Variants in PDHX observed in about 807,000 individuals in gnomAD.
The protein encoded by PDHX is pyruvate dehydrogenase protein X component, mitochondrial.
PDHX carries 33 observed loss-of-function variants against 55.3 expected under a neutral mutation model. The ratio of observed to expected loss-of-function variants is 0.60; its 90% CI spans 0.45 to 0.80. The LOEUF is 0.80. PDHX is among the 30% of genes least tolerant of loss of function. The pLI, the probability that PDHX is intolerant of heterozygous loss-of-function variation, is 0.00. For synonymous variants in PDHX, 226 were observed against 219.4 expected (o/e 1.03, Z -0.27); for missense variants, 622 against 619.9 (o/e 1.00, Z -0.04).
At chr11:34,988,942 A>G (rs1314889625) in intron 9 of PDHX, among the ~76,000 whole-genome samples, 2 of 152,222 alleles carry the variant, frequency 1.3e-5, no homozygotes, top group Non-Finnish European at 2.9e-5. Context: ...TTTAAATTAA[A>G]CTTTATCATA....
rs544153762 is a variant in PDHX, at chr11:34,993,097, C to T, written c.1247+718C>T. 7.2e-5 allele frequency among the ~76,000 whole-genome samples: 11 copies of T among 152,260 alleles called. No homozygotes were observed. In the South Asian group the frequency reaches 2.3e-3, roughly 32 times the overall value. On this transcript the variant is annotated intron_variant, in intron 10 of 10. Transcript: ENST00000227868. ...TTAGTGATGTTGAGTACTTTTCACT[C>T]ATCAGCCGTTTGGGTATCTGGTAAT...
intron 1 of PDHX, among the ~76,000 whole-genome samples, chr11:34,925,294 A>G (rs1853992000): frequency 6.6e-6 from 1 of 152,212 alleles, no homozygotes; most frequent in Admixed American, 6.5e-5. Context: ...GAATGAGGGT[A>G]GGGTTGTTAC....
chr11:34,935,035 A>C (rs924818979), intron 2 of PDHX, among the ~76,000 whole-genome samples: 10 of 152,106 alleles, frequency 6.6e-5, no homozygotes, highest in Non-Finnish European at 8.8e-5. Flanking sequence ...GTTGAGGTTG[A>C]GAGGGTAGGG....
chr11:34,925,456 C>A (rs1853995895), intron 1 of PDHX, among the ~76,000 whole-genome samples: 1 of 152,106 alleles, frequency 6.6e-6, no homozygotes, highest in Non-Finnish European at 1.5e-5. Context: ...AAATTGTATG[C>A]TGTTATTCCT....
chr11:34,917,549 G>A (rs1474044602), intron 1 of PDHX, among the ~76,000 whole-genome samples: 1 of 152,136 alleles, frequency 6.6e-6, no homozygotes, highest in African/African-American at 2.4e-5. Flanking sequence ...GGAGGGAGGC[G>A]GGGATGGAGA....
At chr11:34,918,093 A>G (rs1221806900) in intron 1 of PDHX, among the ~76,000 whole-genome samples, 2 of 152,134 alleles carry the variant, frequency 1.3e-5, no homozygotes, top group East Asian at 1.9e-4. Context: ...TCCTTTTGAG[A>G]ATCTTTGAAA....
chr11:34,978,508 A>G (rs1489982194), intron 8 of PDHX, among the ~76,000 whole-genome samples: 1 of 152,114 alleles, frequency 6.6e-6, no homozygotes, highest in Non-Finnish European at 1.5e-5. Flanking sequence ...AGATGGTGAA[A>G]GTGCTGAGGA....
intron 8 of PDHX, among the ~76,000 whole-genome samples, chr11:34,983,421 G>A (rs1040847142): frequency 2.6e-5 from 4 of 152,130 alleles, no homozygotes; most frequent in African/African-American, 4.8e-5. Context: ...AAGTTCTGGC[G>A]AGGGCAATCA....
intron 6 of PDHX, 120 bp downstream of exon 6, chr11:34,966,934 C>T (rs992594326): frequency 1.2e-6 from 1 of 833,650 alleles, no homozygotes; most frequent in African/African-American, 1.7e-5. Context: ...TCACTGCAGC[C>T]TCTGCCTCCC....
Position 34,933,448 on chromosome 11 carries a change from G to A in PDHX, c.241+1964G>A, listed in dbSNP as rs1392084067. Among the ~76,000 whole-genome samples the A allele has an allele frequency of 3.3e-5, 5 of 152,164 alleles. No individual in the cohort carries two copies. In the South Asian group the frequency reaches 1.0e-3, roughly 32 times the overall value. On this transcript the variant is annotated intron_variant, in intron 2 of 10. Coordinates refer to ENST00000227868, the MANE Select transcript of PDHX (RefSeq NM_003477.3). Reference sequence around the variant, plus strand: ...GGTATTGTTATTCTAAGGCTTTTGTGTGTATTTTATGGGATAAAGCAAATG... The same window carrying A: ...GGTATTGTTATTCTAAGGCTTTTGTATGTATTTTATGGGATAAAGCAAATG...
chr11:34,918,511 A>T (rs1245683103), intron 1 of PDHX, among the ~76,000 whole-genome samples: 7 of 151,912 alleles, frequency 4.6e-5, no homozygotes, highest in African/African-American at 1.7e-4. Context: ...AGCAATCCTT[A>T]TCTGCATCCT....
At chr11:34,944,081 G>A (rs1854563466) in intron 2 of PDHX, among the ~76,000 whole-genome samples, 1 of 25,768 alleles carries the variant, frequency 3.9e-5, no homozygotes, top group South Asian at 1.5e-3. Context: ...ATACAAATAT[G>A]TGTGTGTGTG....
At chr11:34,975,821 C>T (rs1855357228) in intron 7 of PDHX, among the ~76,000 whole-genome samples, 1 of 152,130 alleles carries the variant, frequency 6.6e-6, no homozygotes, top group Non-Finnish European at 1.5e-5. Flanking sequence ...TTCACCCTGT[C>T]AGGATGGGAA....
chr11:34,923,920 A>G (rs946906818), intron 1 of PDHX, among the ~76,000 whole-genome samples: 3 of 152,222 alleles, frequency 2.0e-5, no homozygotes, highest in Admixed American at 6.5e-5. Flanking sequence ...TGTAGTTAGA[A>G]TAGAGATCAA....
At chr11:34,937,086 G>T (rs973754691) in intron 2 of PDHX, among the ~76,000 whole-genome samples, 1 of 152,130 alleles carries the variant, frequency 6.6e-6, no homozygotes, top group Non-Finnish European at 1.5e-5. Flanking sequence ...GCCTGGGCAG[G>T]AAGTGGTTTC....
rs759955541 is a variant in PDHX, at chr11:34,960,414, T to C, written c.543-6T>C. 5 of 1,601,212 alleles carry C rather than the reference T, an allele frequency of 3.1e-6. No individual in the cohort carries two copies. In the East Asian group the frequency reaches 8.9e-5, roughly 29 times the overall value. On this transcript the variant is annotated splice_polypyrimidine_tract_variant and splice_region_variant and intron_variant, in intron 4 of 10. Transcript: ENST00000227868. Reference sequence around the variant, plus strand: ...GGTTCTATTAACCTTCATATTTTTTTCTTAGGTTCCGTTTAAGTCCAGCTG... The same window carrying C: ...GGTTCTATTAACCTTCATATTTTTTCCTTAGGTTCCGTTTAAGTCCAGCTG...
At chr11:34,989,236 T>C (rs1048965954) in intron 9 of PDHX, among the ~76,000 whole-genome samples, 1 of 152,222 alleles carries the variant, frequency 6.6e-6, no homozygotes, top group Non-Finnish European at 1.5e-5. Context: ...CACTGTCATA[T>C]ATTTATGTCT....
At chr11:34,916,367 C>T (rs1371330207), upstream of PDHX, 8 of 1,570,216 alleles carry the variant, frequency 5.1e-6, no homozygotes, top group Admixed American at 1.9e-5. Context: ...GCAGCGAGGC[C>T]GCAAATGCAA....
chr11:34,955,046 A>G (rs969523534), intron 3 of PDHX, among the ~76,000 whole-genome samples: 2 of 152,206 alleles, frequency 1.3e-5, no homozygotes, highest in East Asian at 3.9e-4. Context: ...ATGTGTAAAA[A>G]CCCTGCATTT....
Sources: allele counts gnomAD v4.1 joint callset (sites outside exome capture counted in the v4.1 genomes callset), GRCh38; gene constraint gnomAD v4.1.1; transcripts MANE v1.5; gene names NCBI Gene and HGNC (gene_info 2026-07-23, HGNC 2026-07-21).